Variants in TENM3 observed in about 807,000 individuals in gnomAD.
TENM3 encodes teneurin transmembrane protein 3.
Under a neutral mutation model 255.1 loss-of-function variants are expected in TENM3, and 63 were observed. The ratio of observed to expected loss-of-function variants is 0.25; its 90% CI spans 0.20 to 0.30. The LOEUF (loss-of-function observed/expected upper bound fraction) is 0.30, where lower values mean the gene tolerates loss of function less well. TENM3 is among the 10% of genes least tolerant of loss of function. The pLI, the probability that TENM3 is intolerant of heterozygous loss-of-function variation, is 1.00. For synonymous variants in TENM3, 1,306 were observed against 1,322.3 expected (o/e 0.99, Z 0.27); for missense variants, 2,929 against 3,461.1 (o/e 0.85, Z 3.86).
chr4:181,492,434 TATTA>T, the TENM3 span, among the ~76,000 whole-genome samples: 5 of 152,192 alleles, frequency 3.3e-5, no homozygotes, highest in Admixed American at 1.3e-4. Flanking sequence ...AAATGAAATA[TATTA>T]ATTATTTCAG....
the TENM3 span, among the ~76,000 whole-genome samples, chr4:181,928,081 A>G: frequency 6.6e-6 from 1 of 152,168 alleles, no homozygotes; most frequent in Non-Finnish European, 1.5e-5. Flanking sequence ...AAAAACCAGT[A>G]TAAAAAGGCT....
chr4:182,324,326 G>A, intron 2 of TENM3, 74 bp downstream of exon 2: 1 of 1,120,274 alleles, frequency 8.9e-7, no homozygotes, highest in Admixed American at 1.8e-5. Context: ...TTCCCCTCAA[G>A]GTGACATGTC....
At chr4:182,001,123 T>TATC in the TENM3 span, among the ~76,000 whole-genome samples, 2 of 151,476 alleles carry the variant, frequency 1.3e-5, no homozygotes, top group African/African-American at 4.8e-5. Context: ...TTCAAATCCC[T>TATC]ATCTAAAGTG....
the TENM3 span, among the ~76,000 whole-genome samples, chr4:181,748,273 G>C: frequency 6.7e-4 from 102 of 152,116 alleles, no homozygotes; most frequent in South Asian, 2.5e-3. Context: ...CCAAGTGCAT[G>C]GTAGGTTTGA....
chr4:182,128,826 C>T, the TENM3 span, among the ~76,000 whole-genome samples: 2 of 152,190 alleles, frequency 1.3e-5, no homozygotes, highest in African/African-American at 2.4e-5. Context: ...AAAAAATCAA[C>T]TTCAGAAATT....
the TENM3 span, among the ~76,000 whole-genome samples, chr4:181,571,025 A>G: frequency 0.03 from 4,548 of 152,194 alleles, 206 homozygotes; most frequent in African/African-American, 0.1. Context: ...TCTTTTAGGA[A>G]TGGACCTACA....
intron 7 of TENM3, among the ~76,000 whole-genome samples, chr4:182,677,628 C>G (rs1755770841): frequency 1.3e-5 from 2 of 152,040 alleles, no homozygotes; most frequent in African/African-American, 4.8e-5. Context: ...GTCATGTATC[C>G]ACACCAGTCA....
intron 7 of TENM3, 118 bp from the exon 8 acceptor site, chr4:182,679,548 A>G: frequency 1.3e-6 from 1 of 798,078 alleles, no homozygotes; most frequent in Non-Finnish European, 2.0e-6. Flanking sequence ...ACCTGTCAGG[A>G]ACTTCTTTCT....
chr4:181,900,117 T>G, the TENM3 span, among the ~76,000 whole-genome samples: 3 of 152,206 alleles, frequency 2.0e-5, no homozygotes, highest in Non-Finnish European at 4.4e-5. Context: ...AATATGAGTT[T>G]ATCTTCAAAA....
the TENM3 span, among the ~76,000 whole-genome samples, chr4:181,789,912 G>C: frequency 1.3e-5 from 2 of 152,074 alleles, no homozygotes. Context: ...CATATCCTTT[G>C]TAGTATTCTT....
chr4:182,197,557 G>A (rs1753905461), intron 1 of TENM3, among the ~76,000 whole-genome samples: 1 of 152,066 alleles, frequency 6.6e-6, no homozygotes. Context: ...TATTGCATAG[G>A]GAAATAATAA....
chr4:181,911,687 A>G, the TENM3 span, among the ~76,000 whole-genome samples: 4 of 152,158 alleles, frequency 2.6e-5, no homozygotes, highest in African/African-American at 9.6e-5. Context: ...GCACATAAAA[A>G]TCCACATGAC....
At chr4:182,497,503 A>T (rs968829693) in intron 3 of TENM3, among the ~76,000 whole-genome samples, 1 of 152,206 alleles carries the variant, frequency 6.6e-6, no homozygotes, top group Non-Finnish European at 1.5e-5. Context: ...TTTTCTAAAA[A>T]TATGGAACAT....
the TENM3 span, among the ~76,000 whole-genome samples, chr4:181,606,889 G>A: frequency 1.3e-5 from 2 of 152,094 alleles, no homozygotes; most frequent in Admixed American, 6.6e-5. Flanking sequence ...CCAGCCCAGG[G>A]CCATTTGCGG....
chr4:182,054,803 A>C, the TENM3 span, among the ~76,000 whole-genome samples: 2 of 152,042 alleles, frequency 1.3e-5, no homozygotes, highest in Admixed American at 1.3e-4. Flanking sequence ...AAAAAATAAA[A>C]ATTTTTTAAT....
At chr4:182,211,074 C>A (rs1392603036) in intron 1 of TENM3, among the ~76,000 whole-genome samples, 5 of 152,124 alleles carry the variant, frequency 3.3e-5, no homozygotes, top group African/African-American at 1.2e-4. Context: ...GAATTTTAAG[C>A]CCGTCCCCAG....
the TENM3 span, among the ~76,000 whole-genome samples, chr4:181,704,588 A>G: frequency 6.6e-6 from 1 of 152,178 alleles, no homozygotes; most frequent in African/African-American, 2.4e-5. Context: ...AAGTAAAATC[A>G]TAACGGATGG....
the TENM3 span, among the ~76,000 whole-genome samples, chr4:181,670,593 C>A: frequency 6.6e-6 from 1 of 152,078 alleles, no homozygotes; most frequent in African/African-American, 2.4e-5. Context: ...GCTGTAGACA[C>A]AAGGCACTGA....
At chr4:181,499,455 C>T in the TENM3 span, among the ~76,000 whole-genome samples, 1 of 152,134 alleles carries the variant, frequency 6.6e-6, no homozygotes, top group South Asian at 2.1e-4. Context: ...TAATTCCATG[C>T]CATCGTTGTT....
Sources: gnomAD v4.1 joint callset for allele counts (sites outside exome capture counted in the v4.1 genomes callset) on GRCh38, gnomAD v4.1.1 for gene constraint, MANE v1.5 for transcripts, NCBI Gene and HGNC (gene_info 2026-07-23, HGNC 2026-07-21) for gene names.